The following CFAP263 variants were observed in gnomAD, a reference collection of about 807,000 sequenced individuals.
CFAP263 encodes the protein cilia- and flagella-associated protein 263.
At chr16:58,281,869 T>C in the CFAP263 span, 1 of 152,376 alleles carries the variant, frequency 6.6e-6, no homozygotes, top group East Asian at 1.9e-4. Context: ...CTTTCTCTCT[T>C]TCTTTCTCTG....
chr16:58,262,757 T>C, the CFAP263 span, among the ~76,000 whole-genome samples: 1 of 38,914 alleles, frequency 2.6e-5, no homozygotes, highest in African/African-American at 1.3e-4. Flanking sequence ...TATAGATAGA[T>C]GATAGGTAGA....
the CFAP263 span, chr16:58,280,266 G>C: frequency 2.5e-6 from 4 of 1,613,872 alleles, no homozygotes; most frequent in South Asian, 4.4e-5. Flanking sequence ...AGGAAACCAA[G>C]ATGATTTCTT....
chr16:58,255,645 G>A, the CFAP263 span, among the ~76,000 whole-genome samples: 6 of 148,456 alleles, frequency 4.0e-5, no homozygotes, highest in African/African-American at 1.0e-4. Flanking sequence ...TCCCAGCTCC[G>A]CCTCCCAGGT....
the CFAP263 span, chr16:58,252,794 A>G: frequency 6.2e-7 from 1 of 1,613,480 alleles, no homozygotes. Context: ...ACTGGAGCCC[A>G]GGGATCAGCG....
At chr16:58,272,433 G>A in the CFAP263 span, among the ~76,000 whole-genome samples, 3 of 152,158 alleles carry the variant, frequency 2.0e-5, no homozygotes, top group Admixed American at 6.5e-5. Flanking sequence ...ACATTATAGA[G>A]TGTACCCTAT....
the CFAP263 span, among the ~76,000 whole-genome samples, chr16:58,261,474 G>A: frequency 0.011 from 1,635 of 152,286 alleles, 40 homozygotes; most frequent in African/African-American, 0.038. Flanking sequence ...ACACAGACAC[G>A]GGCCCTGCCC....
At chr16:58,252,605 A>T in the CFAP263 span, 1 of 736,962 alleles carries the variant, frequency 1.4e-6, no homozygotes, top group Non-Finnish European at 2.3e-6. Context: ...CCCATTTTAT[A>T]GGTGAGGAAA....
chr16:58,266,396 TATATATATA>T, the CFAP263 span, among the ~76,000 whole-genome samples: 8 of 40,394 alleles, frequency 2.0e-4, no homozygotes, highest in African/African-American at 9.2e-4. Context: ...TATATATATA[TATATATATA>T]TTTTTTTTTT....
the CFAP263 span, chr16:58,280,818 C>T: frequency 6.8e-7 from 1 of 1,459,870 alleles, no homozygotes; most frequent in African/African-American, 1.4e-5. Context: ...GTAAATCTAT[C>T]CTTGTGCAAT....
At chr16:58,266,270 A>C in the CFAP263 span, among the ~76,000 whole-genome samples, 2 of 150,100 alleles carry the variant, frequency 1.3e-5, no homozygotes, top group Admixed American at 6.6e-5. Context: ...CCACTCTCCC[A>C]GCTCCTATTA....
At chr16:58,269,771 T>C in the CFAP263 span, among the ~76,000 whole-genome samples, 3 of 152,238 alleles carry the variant, frequency 2.0e-5, no homozygotes, top group African/African-American at 7.2e-5. Flanking sequence ...TCATGAGTCA[T>C]CCTGATATGA....
chr16:58,278,027 A>G, the CFAP263 span, among the ~76,000 whole-genome samples: 1 of 152,308 alleles, frequency 6.6e-6, no homozygotes, highest in East Asian at 1.9e-4. Context: ...AAGAATGTGA[A>G]TGTACTTAAT....
the CFAP263 span, chr16:58,267,451 C>A: frequency 6.6e-7 from 1 of 1,504,438 alleles, no homozygotes; most frequent in South Asian, 1.1e-5. Context: ...CATCTTAGCT[C>A]AAGACTTGCT....
chr16:58,280,136 A>G, the CFAP263 span: 16 of 1,376,814 alleles, frequency 1.2e-5, no homozygotes, highest in Middle Eastern at 2.0e-4. Flanking sequence ...GTGTGCAACT[A>G]TCAAAAACAG....
chr16:58,256,425 A>C, the CFAP263 span, among the ~76,000 whole-genome samples: 1 of 152,224 alleles, frequency 6.6e-6, no homozygotes, highest in South Asian at 2.1e-4. Context: ...GCATCTGTTT[A>C]AAGCACAGGG....
the CFAP263 span, among the ~76,000 whole-genome samples, chr16:58,254,895 G>A: frequency 6.6e-6 from 1 of 152,298 alleles, no homozygotes; most frequent in East Asian, 1.9e-4. Flanking sequence ...ATGAGCCACT[G>A]CGCCGGGCCT....
the CFAP263 span, among the ~76,000 whole-genome samples, chr16:58,272,724 C>G: frequency 6.7e-6 from 1 of 148,212 alleles, no homozygotes; most frequent in African/African-American, 2.5e-5. Flanking sequence ...ATTGGGAGCT[C>G]TTTCAGTTGA....
chr16:58,272,245 T>C, the CFAP263 span, among the ~76,000 whole-genome samples: 1 of 151,554 alleles, frequency 6.6e-6, no homozygotes, highest in African/African-American at 2.4e-5. Flanking sequence ...CTCGATCTCC[T>C]GACCTCGTGA....
the CFAP263 span, chr16:58,280,115 T>C: frequency 8.9e-7 from 1 of 1,124,574 alleles, no homozygotes; most frequent in Admixed American, 2.3e-5. Context: ...GGCTTATCCG[T>C]GGCAGCCCCA....
Sources: gnomAD v4.1 joint callset for allele counts (sites outside exome capture counted in the v4.1 genomes callset) on GRCh38, gnomAD v4.1.1 for gene constraint, MANE v1.5 for transcripts, NCBI Gene and HGNC (gene_info 2026-07-23, HGNC 2026-07-21) for gene names.